SYT1: variants seen among roughly 807,000 people sequenced by gnomAD.
SYT1 encodes the protein synaptotagmin 1.
In SYT1, 8 loss-of-function variants were observed where a neutral mutation model predicts 44.8. The ratio of observed to expected loss-of-function variants is 0.18; its 90% CI spans 0.10 to 0.32. SYT1 has a LOEUF of 0.32. Among genes scored for constraint, SYT1 ranks in the 10% least tolerant of loss-of-function variants. The pLI, the probability that SYT1 is intolerant of heterozygous loss-of-function variation, is 1.00. For synonymous variants in SYT1, 154 were observed against 188.8 expected (o/e 0.82, Z 1.51); for missense variants, 286 against 509.3 (o/e 0.56, Z 4.22).
Position 78,984,343 on chromosome 12 carries a change from C to T in SYT1, c.-84+6412C>T, listed in dbSNP as rs540382880. Among the ~76,000 whole-genome samples, 5 of 151,980 alleles carry T rather than the reference C, an allele frequency of 3.3e-5. No homozygotes were observed. The East Asian group carries it at 9.7e-4, about 29-fold the overall frequency. The stretch of plus-strand genomic sequence containing the variant: ...CCAGTTTTGTTTATTTTTTATGGCA[C>T]AAATACCACAATGTATTTTATTTAT... On this transcript the variant is annotated intron_variant, in intron 2 of 10. Coordinates refer to ENST00000261205, the MANE Select transcript of SYT1 (RefSeq NM_005639.3).
chr12:79,255,160 G>A (rs1341871877), intron 4 of SYT1, among the ~76,000 whole-genome samples: 2 of 152,156 alleles, frequency 1.3e-5, no homozygotes, highest in Non-Finnish European at 2.9e-5. Flanking sequence ...GGTTGATGCA[G>A]CAAACTTCAT....
chr12:79,265,967 TAA>T lies in SYT1; in HGVS notation c.167-19818_167-19817del, dbSNP rs555154761. ...TGTCATTTCCATAGTCTATCCAGAA[TAA>T]AGAGTAATGAACACGTGCATACGTT... On this transcript the variant is annotated intron_variant, in intron 4 of 10. Coordinates refer to ENST00000261205, the MANE Select transcript of SYT1 (RefSeq NM_005639.3). Among the ~76,000 whole-genome samples the T allele has an allele frequency of 9.2e-5, 14 of 152,276 alleles. No homozygotes were observed. The East Asian group carries it at 2.7e-3, about 29-fold the overall frequency.
intron 4 of SYT1, among the ~76,000 whole-genome samples, chr12:79,251,299 GA>G (rs1877197447): frequency 6.6e-6 from 1 of 151,924 alleles, no homozygotes; most frequent in African/African-American, 2.4e-5. Flanking sequence ...AGAGGAATTT[GA>G]GTGCTTTTAC....
intron 1 of SYT1, among the ~76,000 whole-genome samples, chr12:78,913,399 C>T (rs921231288): frequency 6.6e-6 from 1 of 151,172 alleles, no homozygotes; most frequent in East Asian, 2.0e-4. Flanking sequence ...AATTTTTAAA[C>T]TTCTATATAA....
intron 9 of SYT1, among the ~76,000 whole-genome samples, chr12:79,362,627 T>G (rs1364873905): frequency 6.6e-6 from 1 of 152,086 alleles, no homozygotes; most frequent in East Asian, 1.9e-4. Context: ...AGGGGCCGTG[T>G]GTGAGGACAG....
At chr12:78,888,332 A>G (rs117737305) in intron 1 of SYT1, among the ~76,000 whole-genome samples, 325 of 152,024 alleles carry the variant, frequency 2.1e-3, no homozygotes, top group Middle Eastern at 3.4e-3. Context: ...TACCCTGGTA[A>G]ATGGATGGAC....
chr12:79,301,240 G>A (rs988403512), intron 8 of SYT1, among the ~76,000 whole-genome samples: 1 of 152,208 alleles, frequency 6.6e-6, no homozygotes, highest in East Asian at 1.9e-4. Flanking sequence ...CACTTGTGCA[G>A]GGTGCATGGT....
At chr12:79,357,274 G>A (rs1438189019) in intron 9 of SYT1, among the ~76,000 whole-genome samples, 1 of 152,150 alleles carries the variant, frequency 6.6e-6, no homozygotes, top group Non-Finnish European at 1.5e-5. Flanking sequence ...CTCTACAGTA[G>A]ATCCTTGCAT....
chr12:79,068,486 G>A (rs920877821), intron 3 of SYT1, among the ~76,000 whole-genome samples: 13 of 152,050 alleles, frequency 8.5e-5, no homozygotes, highest in African/African-American at 3.1e-4. Flanking sequence ...ATGCGAAGTG[G>A]ATAAATTCTT....
At chr12:79,193,741 G>A (rs1873270533) in intron 3 of SYT1, among the ~76,000 whole-genome samples, 1 of 152,044 alleles carries the variant, frequency 6.6e-6, no homozygotes, top group African/African-American at 2.4e-5. Context: ...CATCAAGTCA[G>A]CATGGCCAAA....
At chr12:78,933,265 A>C (rs1366823548) in intron 1 of SYT1, among the ~76,000 whole-genome samples, 1 of 152,152 alleles carries the variant, frequency 6.6e-6, no homozygotes, top group Non-Finnish European at 1.5e-5. Flanking sequence ...AACTTCTGTG[A>C]GCCTGTCTTG....
At chr12:79,296,024 T>C (rs1481928904) in intron 6 of SYT1, 45 bp from the exon 7 acceptor site, 3 of 1,554,180 alleles carry the variant, frequency 1.9e-6, no homozygotes, top group South Asian at 1.2e-5. Flanking sequence ...TTTTCCAAAA[T>C]GTCCACTGAT....
chr12:79,288,365 C>G lies in SYT1; in HGVS notation c.351+2394C>G, dbSNP rs138105184. Among the ~76,000 whole-genome samples, 29 of 152,154 alleles carry G rather than the reference C, an allele frequency of 1.9e-4. No homozygotes were observed. In the East Asian group the frequency reaches 5.2e-3, roughly 27 times the overall value. On this transcript the variant is annotated intron_variant, in intron 5 of 10. Transcript: ENST00000261205. ...GAAAATAAAGATGGCTTATGCCCTT[C>G]TCGTTTAAAAACAAGACAGATGTGA...
At chr12:78,978,012 G>A (rs539254758) in intron 2 of SYT1, 81 bp downstream of exon 2, 1 of 152,290 alleles carries the variant, frequency 6.6e-6, no homozygotes, top group African/African-American at 2.4e-5. Context: ...TATATGTGGC[G>A]GCGGGGCCGG....
chr12:78,885,665 G>C (rs1171379541), intron 1 of SYT1, among the ~76,000 whole-genome samples: 1 of 152,002 alleles, frequency 6.6e-6, no homozygotes, highest in Non-Finnish European at 1.5e-5. Flanking sequence ...GCTGCAGGCT[G>C]AGGGAGCACT....
chr12:79,152,888 AAAAAGT>A (rs1870364031), intron 3 of SYT1, among the ~76,000 whole-genome samples: 1 of 151,690 alleles, frequency 6.6e-6, no homozygotes, highest in Non-Finnish European at 1.5e-5. Flanking sequence ...AAAAAAAAAA[AAAAAGT>A]AAGAGAAATT....
chr12:79,320,071 T>C (rs941007631), intron 8 of SYT1, among the ~76,000 whole-genome samples: 1 of 152,218 alleles, frequency 6.6e-6, no homozygotes, highest in African/African-American at 2.4e-5. Context: ...TGTTTCATAA[T>C]GCAATATAAG....
At chr12:79,009,753 G>T (rs923299451) in intron 2 of SYT1, among the ~76,000 whole-genome samples, 20 of 152,190 alleles carry the variant, frequency 1.3e-4, no homozygotes, top group African/African-American at 4.8e-4. Context: ...GCTTTCACTT[G>T]CATCTCTTCT....
intron 1 of SYT1, among the ~76,000 whole-genome samples, chr12:78,904,558 T>C (rs1005648189): frequency 1.3e-5 from 2 of 152,078 alleles, no homozygotes; most frequent in Non-Finnish European, 2.9e-5. Flanking sequence ...GATACGTAAG[T>C]CAACCTGAAA....
Sources: gnomAD v4.1 joint callset for allele counts (sites outside exome capture counted in the v4.1 genomes callset) on GRCh38, gnomAD v4.1.1 for gene constraint, MANE v1.5 for transcripts, NCBI Gene and HGNC (gene_info 2026-07-23, HGNC 2026-07-21) for gene names.